KIAA1143: variants seen among roughly 807,000 people sequenced by gnomAD.
KIAA1143 encodes KIAA1143.
A neutral mutation model predicts 17.0 loss-of-function variants in KIAA1143; 8 were observed. The ratio of observed to expected loss-of-function variants is 0.47; its 90% CI spans 0.28 to 0.85. The LOEUF (loss-of-function observed/expected upper bound fraction) is 0.85, where lower values mean the gene tolerates loss of function less well. Ranked by LOEUF, KIAA1143 falls within the 40% of genes least tolerant of loss-of-function variation. The pLI is 0.12. For missense variants in KIAA1143, 162 were observed against 183.3 expected, an observed-to-expected ratio of 0.88 and a Z score of 0.67; for synonymous variants, 64 against 67.8, an observed-to-expected ratio of 0.94 and a Z score of 0.27.
chr3:44,754,030 C>A (rs1015815768), intron 2 of KIAA1143, among the ~76,000 whole-genome samples, 194 bp downstream of exon 2: 6 of 151,918 alleles, frequency 3.9e-5, no homozygotes, highest in African/African-American at 1.5e-4. Context: ...CAATTATTTC[C>A]ATTTTACTGA....
chr3:44,753,652 A>G, intron 2 of KIAA1143, 100 bp from the exon 3 acceptor site: 3 of 1,145,116 alleles, frequency 2.6e-6, no homozygotes, highest in Non-Finnish European at 3.7e-6. Flanking sequence ...ATTTAAGGAT[A>G]TCCCTGAATC....
At chr3:44,758,474 T>A (rs1348092984) in intron 1 of KIAA1143, among the ~76,000 whole-genome samples, 1 of 152,226 alleles carries the variant, frequency 6.6e-6, no homozygotes, top group Non-Finnish European at 1.5e-5. Flanking sequence ...GTTCACAGCA[T>A]CTTCACCAGA....
At chr3:44,758,970 C>A (rs1474430385) in intron 1 of KIAA1143, among the ~76,000 whole-genome samples, 1 of 151,342 alleles carries the variant, frequency 6.6e-6, no homozygotes, top group East Asian at 1.9e-4. Context: ...GTCAGGGAAT[C>A]CTCCCACCTC....
In KIAA1143 at chr3:44,761,609, T is replaced by C; in HGVS notation, c.-7A>G. On this transcript the variant is annotated 5_prime_UTR_variant, in exon 1 of 3. Coordinates refer to ENST00000296121, the MANE Select transcript of KIAA1143 (RefSeq NM_020696.4). ...CCTGGTTCCGCTTGCTCATGGTAGC[T>C]CTGGGTAAAGACAGAAGACAGGTTC... 1 of 1,561,408 alleles carries C rather than the reference T, an allele frequency of 6.4e-7. No homozygotes were observed. Among genetic ancestry groups the C allele is most frequent in the Non-Finnish European group, 8.6e-7 (1 of 1,161,766 alleles).
intron 1 of KIAA1143, 113 bp downstream of exon 1, chr3:44,761,382 T>G: frequency 2.6e-6 from 2 of 757,124 alleles, no homozygotes. Context: ...GGAATTGGGT[T>G]CGAGCGCGGG....
chr3:44,761,442 G>A (rs1575562204), intron 1 of KIAA1143, 53 bp downstream of exon 1: 13 of 1,469,840 alleles, frequency 8.8e-6, no homozygotes, highest in Non-Finnish European at 1.2e-5. Context: ...GGCAAAAGTT[G>A]AAAGTGGCGG....
At position 44,754,300 on chromosome 3, in the gene KIAA1143, C is replaced by T; in HGVS notation, c.177G>A (p.Val59=). The part of the protein sequence containing the change: ...HSDKEDEQPQ[V]VVLKKGDLSV... Reference sequence around the variant, plus strand: ...ACAGGTCTCCCTTTTTTAAAACCACCACTTGAGGCTGTTCATCTTCTTTGT... The same window carrying T: ...ACAGGTCTCCCTTTTTTAAAACCACTACTTGAGGCTGTTCATCTTCTTTGT... The change falls in exon 2 of 3, where the codon GTG becomes GTA. Residue 59 remains valine (V), a synonymous_variant. Transcript: ENST00000296121. 1.2e-6 allele frequency: 2 copies of T among 1,613,922 alleles called. No individual in the cohort carries two copies. Among genetic ancestry groups the T allele is most frequent in the East Asian group, 2.2e-5 (1 of 44,876 alleles).
chr3:44,754,530 C>T (rs1333998177), intron 1 of KIAA1143, among the ~76,000 whole-genome samples, 162 bp from the exon 2 acceptor site: 1 of 152,214 alleles, frequency 6.6e-6, no homozygotes, highest in African/African-American at 2.4e-5. Context: ...GCTTGCCACA[C>T]AAGGGAACAG....
Position 44,761,460 on chromosome 3 carries a change from G to T in KIAA1143, c.108+35C>A. 2.0e-6 allele frequency: 3 copies of T among 1,535,332 alleles called. No homozygotes were observed. The South Asian group carries it at 3.4e-5, about 18-fold the overall frequency. The stretch of plus-strand genomic sequence containing the variant: ...AAAAGTTGAAAGTGGCGGGCTGGCT[G>T]CGCTTCCGAAGAAACACGACTGGCG... On this transcript the variant is annotated intron_variant, in intron 1 of 2. Transcript: ENST00000296121.
chr3:44,754,290 T>C lies in KIAA1143; in HGVS notation c.187A>G (p.Lys63Glu). 6.2e-7 allele frequency: 1 copy of C among 1,614,156 alleles called. No homozygotes were observed. The highest frequency in any genetic ancestry group is 1.1e-5 in the South Asian group (1 of 91,088). ...TCTTCAACTGACAGGTCTCCCTTTT[T>C]TAAAACCACCACTTGAGGCTGTTCA... Reference protein sequence around the residue: ...EDEQPQVVVLKKGDLSVEEVM... With the variant: ...EDEQPQVVVLEKGDLSVEEVM... Residue 63 changes from lysine to glutamate, a missense_variant, in exon 2 of 3, where the codon AAA (lysine) becomes GAA (glutamate). This residue lies in a region of KIAA1143 where 137 missense variants were observed against 132.5 expected (regional missense o/e 1.03). Coordinates refer to ENST00000296121, the MANE Select transcript of KIAA1143 (RefSeq NM_020696.4).
intron 1 of KIAA1143, among the ~76,000 whole-genome samples, chr3:44,757,475 C>T (rs559382754): frequency 1.3e-5 from 2 of 152,180 alleles, no homozygotes; most frequent in African/African-American, 4.8e-5. Context: ...ATCTAAATAT[C>T]CCTCCTCCAC....
rs1169742154 is a variant in KIAA1143, at chr3:44,751,646, G to C, written c.*1695C>G. On this transcript the variant is annotated 3_prime_UTR_variant, in exon 3 of 3. Coordinates refer to ENST00000296121, the MANE Select transcript of KIAA1143 (RefSeq NM_020696.4). ...TGGGGCACCTAAAGGGCACTAAGTT[G>C]GGTTTCATGGCTCCCTCCCTTGGCC... The C allele has an allele frequency of 6.6e-6, 1 of 152,146 alleles. No homozygotes were observed. The highest frequency in any genetic ancestry group is 1.5e-5 in the Non-Finnish European group (1 of 68,028). 9.4% of individuals were successfully genotyped at this position (152,146 alleles called of 1,614,324 possible). A position where few individuals can be genotyped will look rare whatever the true frequency, so the allele number is the denominator to read the frequency against.
At position 44,753,518 on chromosome 3, in the gene KIAA1143, T is replaced by C. The variant is rs749107545; in HGVS notation, c.288A>G (p.Ile96Met). 7.4e-6 allele frequency: 12 copies of C among 1,612,372 alleles called. No individual in the cohort carries two copies. Among genetic ancestry groups the C allele is most frequent in the South Asian group, 3.3e-5 (3 of 90,948 alleles). The change falls in exon 3 of 3, where the codon ATA becomes ATG. Residue 96 changes from isoleucine to methionine, a missense_variant. Physicochemically the swap from Ile to Met is conservative, Grantham distance 10. This residue lies in a region of KIAA1143 where 137 missense variants were observed against 132.5 expected (regional missense o/e 1.03). Transcript: ENST00000296121. Reference sequence around the variant, plus strand: ...AGGGATGCTTGACTGGTTTTCGATATATGATTCTTCCATCGGCTGGAGTTG... The same window carrying C: ...AGGGATGCTTGACTGGTTTTCGATACATGATTCTTCCATCGGCTGGAGTTG... ...EEPTPADGRI[I>M]YRKPVKHPSD...
rs1000327665 is a variant in KIAA1143, at chr3:44,751,461, G to A, written c.*1880C>T. 2 of 152,132 alleles carry A rather than the reference G, an allele frequency of 1.3e-5. No homozygotes were observed. The highest frequency in any genetic ancestry group is 2.4e-5 in the African/African-American group (1 of 41,410). The allele number at this position is 152,132 out of a possible 1,614,324, so 9.4% of individuals were successfully genotyped here. On this transcript the variant is annotated 3_prime_UTR_variant, in exon 3 of 3. Transcript: ENST00000296121. ...TCGGATAGGCTCCTTGGCAGTGGTCGCTTTGCAAAATCGAAGGGGACTAGA... is the reference window on the plus strand; with the variant it reads ...TCGGATAGGCTCCTTGGCAGTGGTCACTTTGCAAAATCGAAGGGGACTAGA...
At chr3:44,754,180 G>T in intron 2 of KIAA1143, 44 bp downstream of exon 2, 1 of 1,590,542 alleles carries the variant, frequency 6.3e-7, no homozygotes, top group Non-Finnish European at 8.6e-7. Flanking sequence ...TCATACCCTG[G>T]GCTCCTTAAA....
At chr3:44,761,142 G>A (rs1705105230) in intron 1 of KIAA1143, among the ~76,000 whole-genome samples, 1 of 152,172 alleles carries the variant, frequency 6.6e-6, no homozygotes, top group Non-Finnish European at 1.5e-5. Flanking sequence ...CTGGAATACG[G>A]GACGACGCTG....
intron 1 of KIAA1143, 23 bp downstream of exon 1, chr3:44,761,472 A>C (rs750059567): frequency 3.7e-5 from 58 of 1,585,382 alleles, no homozygotes; most frequent in Admixed American, 1.2e-4. Flanking sequence ...GCTTCCGAAG[A>C]AACACGACTG....
Position 44,748,833 on chromosome 3 carries a change from C to T in KIAA1143, c.*4508G>A, listed in dbSNP as rs1704853438. The T allele has an allele frequency of 6.6e-6, 1 of 152,180 alleles. No individual in the cohort carries two copies. 9.4% of individuals were successfully genotyped at this position (152,180 alleles called of 1,614,324 possible). ...AGTGGTGAATAACACAAACTCCATGCTTTCAAGATTCCCACACCCAGATAC... is the reference window on the plus strand; with the variant it reads ...AGTGGTGAATAACACAAACTCCATGTTTTCAAGATTCCCACACCCAGATAC... On this transcript the variant is annotated 3_prime_UTR_variant, in exon 3 of 3. Coordinates refer to ENST00000296121, the MANE Select transcript of KIAA1143 (RefSeq NM_020696.4).
intron 1 of KIAA1143, among the ~76,000 whole-genome samples, chr3:44,755,235 GT>G (rs1293577361): frequency 6.6e-6 from 1 of 151,970 alleles, no homozygotes; most frequent in Non-Finnish European, 1.5e-5. Context: ...AATTTTGCTC[GT>G]TTCCAGATTT....
Sources: gnomAD v4.1 joint callset for allele counts (sites outside exome capture counted in the v4.1 genomes callset) on GRCh38, gnomAD v4.1.1 for gene constraint, gnomAD v4.1.1 regional missense constraint, MANE v1.5 for transcripts, NCBI Gene and HGNC (gene_info 2026-07-23, HGNC 2026-07-21) for gene names.